The following WARS1 variants were observed in gnomAD, a reference collection of about 807,000 sequenced individuals.
WARS1 encodes tryptophan--tRNA ligase, cytoplasmic.
A neutral mutation model predicts 47.8 loss-of-function variants in WARS1; 17 were observed. The ratio of observed to expected loss-of-function variants is 0.36; its 90% CI spans 0.24 to 0.53. The LOEUF (loss-of-function observed/expected upper bound fraction) is 0.53. Ranked by LOEUF, WARS1 falls within the 20% of genes least tolerant of loss-of-function variation. WARS1 has a pLI of 0.91. For synonymous variants in WARS1, 208 were observed against 228.1 expected (o/e 0.91, Z 0.79); for missense variants, 434 against 608.0 (o/e 0.71, Z 3.01).
At chr14:100,366,465 C>T (rs1896002618) in intron 2 of WARS1, among the ~76,000 whole-genome samples, 1 of 152,096 alleles carries the variant, frequency 6.6e-6, no homozygotes. Context: ...CAAGAAACAC[C>T]AAACAGTTGA....
At chr14:100,354,421 G>A (rs997744298) in intron 5 of WARS1, 26 bp downstream of exon 5, 1 of 1,606,012 alleles carries the variant, frequency 6.2e-7, no homozygotes, top group Non-Finnish European at 8.5e-7. Context: ...AAGAGAGTAA[G>A]AAAAGCCATA....
Position 100,334,858 on chromosome 14 carries a change from C to A in WARS1, c.*17G>T, listed in dbSNP as rs1281083895. On this transcript the variant is annotated 3_prime_UTR_variant, in exon 11 of 11. Transcript: ENST00000392882. ...ACTGATACATCACTTCTTTTATAAG[C>A]ATATGTAAAACGAGTGCTACTGAAA... The A allele has an allele frequency of 6.2e-7, 1 of 1,612,060 alleles. No homozygotes were observed. Among genetic ancestry groups the A allele is most frequent in the Non-Finnish European group, 8.5e-7 (1 of 1,178,658 alleles).
intron 6 of WARS1, among the ~76,000 whole-genome samples, chr14:100,350,064 C>T (rs543484076): frequency 3.6e-4 from 55 of 152,278 alleles, no homozygotes; most frequent in African/African-American, 1.3e-3. Flanking sequence ...TTTTGGTTGA[C>T]ATACTGTCTG....
intron 1 of WARS1, among the ~76,000 whole-genome samples, chr14:100,371,891 C>A (rs1217241716): frequency 6.6e-6 from 1 of 152,174 alleles, no homozygotes; most frequent in East Asian, 1.9e-4. Context: ...CCAAGCTAAG[C>A]CACCATATCC....
In WARS1 at chr14:100,361,630, A is replaced by C. The variant is rs545905764; in HGVS notation, c.313+78T>G. On this transcript the variant is annotated intron_variant, in intron 3 of 10. Coordinates refer to ENST00000392882, the MANE Select transcript of WARS1 (RefSeq NM_004184.4). ...GAATTTATGATTAATTCAAAATTTA[A>C]AAACATCAATGGAATCAACTCAATG... 6.3e-6 allele frequency: 9 copies of C among 1,437,158 alleles called. No homozygotes were observed. In the East Asian group the frequency reaches 2.1e-4, roughly 33 times the overall value. The allele number at this position is 1,437,158 out of a possible 1,614,324, so 89.0% of individuals were successfully genotyped here.
At chr14:100,342,706 C>T (rs1595412796) in intron 8 of WARS1, 135 bp from the exon 9 acceptor site, 7 of 739,360 alleles carry the variant, frequency 9.5e-6, no homozygotes, top group Non-Finnish European at 1.3e-5. Context: ...TCCTCCCCTT[C>T]ATCTTTTCCT....
intron 6 of WARS1, 55 bp downstream of exon 6, chr14:100,353,632 C>T (rs1414830760): frequency 6.3e-7 from 1 of 1,582,818 alleles, no homozygotes. Context: ...GTGGTCATGA[C>T]AACTTGACAT....
Position 100,373,825 on chromosome 14 carries a change from TG to T in WARS1, c.-74+1457del, listed in dbSNP as rs1367082773. On this transcript the variant is annotated intron_variant, in intron 1 of 10. Transcript: ENST00000392882. The surrounding 1 kb of genome is among the most constrained non-coding windows in gnomAD (Gnocchi z 4.4). Reference sequence around the variant, plus strand: ...GGAATCATCCACACTATTGAAATCTTGTGTGTGTGTGTGTGTGTGTGTGTGT... The same window carrying T: ...GGAATCATCCACACTATTGAAATCTTTGTGTGTGTGTGTGTGTGTGTGTGT... 0.019 allele frequency among the ~76,000 whole-genome samples: 4 copies of T among 216 alleles called. No homozygotes were observed. Among genetic ancestry groups the T allele is most frequent in the South Asian group, 0.17 (1 of 6 alleles). 0.1% of individuals were successfully genotyped at this position (216 alleles called of 152,430 possible).
intron 6 of WARS1, among the ~76,000 whole-genome samples, chr14:100,353,358 C>A (rs1211841601): frequency 2.0e-5 from 3 of 152,124 alleles, no homozygotes; most frequent in Non-Finnish European, 4.4e-5. Flanking sequence ...TCAAGCGATT[C>A]TCCTGCTTCA....
At chr14:100,369,989 C>A (rs879348559) in intron 1 of WARS1, among the ~76,000 whole-genome samples, 2 of 152,090 alleles carry the variant, frequency 1.3e-5, no homozygotes, top group Non-Finnish European at 2.9e-5. Flanking sequence ...ATCTTAATTG[C>A]CTTGGGGATG....
At position 100,334,932 on chromosome 14, in the gene WARS1, C is replaced by G. The variant is rs759722365; in HGVS notation, c.1359G>C (p.Thr453=). The G allele has an allele frequency of 2.5e-6, 4 of 1,614,014 alleles. No homozygotes were observed. Among genetic ancestry groups the G allele is most frequent in the Non-Finnish European group, 1.7e-6 (2 of 1,180,034 alleles). Residue 453 remains threonine, a synonymous_variant, in exon 11 of 11, where the codon ACG becomes ACC. Coordinates refer to ENST00000392882, the MANE Select transcript of WARS1 (RefSeq NM_004184.4). ...TCATGAACTCTTTCACTATCTCATC[C>G]GTGACCTCCTTGCGCCGGGCCTGGT... The part of the protein sequence containing the change: ...AEHQARRKEV[T]DEIVKEFMTP...
intron 2 of WARS1, among the ~76,000 whole-genome samples, chr14:100,367,773 G>A (rs892562263): frequency 1.4e-4 from 22 of 152,126 alleles, no homozygotes; most frequent in African/African-American, 5.1e-4. Flanking sequence ...CAATAGAGCA[G>A]TGGCTTCAGC....
chr14:100,363,140 T>C (rs950150022), intron 2 of WARS1, among the ~76,000 whole-genome samples: 2 of 152,174 alleles, frequency 1.3e-5, no homozygotes, highest in African/African-American at 2.4e-5. Context: ...CAATTATCTA[T>C]GGGAAGGCTT....
At chr14:100,346,623 T>TA (rs1314054197) in intron 7 of WARS1, 123 bp downstream of exon 7, 1 of 794,720 alleles carries the variant, frequency 1.3e-6, no homozygotes, top group Non-Finnish European at 2.1e-6. Context: ...GCATCCTACT[T>TA]AAAGAGACAG....
chr14:100,339,384 G>T, intron 9 of WARS1, among the ~76,000 whole-genome samples: 1 of 152,010 alleles, frequency 6.6e-6, no homozygotes, highest in East Asian at 1.9e-4. Context: ...GAGGTCAGGA[G>T]ATCAAGACCA....
intron 9 of WARS1, among the ~76,000 whole-genome samples, chr14:100,341,351 A>G (rs761916345): frequency 6.6e-6 from 1 of 152,216 alleles, no homozygotes; most frequent in Admixed American, 6.5e-5. Flanking sequence ...AAAGTCTTCA[A>G]TTATACCAGC....
intron 2 of WARS1, among the ~76,000 whole-genome samples, chr14:100,367,849 G>C (rs1462067351): frequency 6.6e-6 from 1 of 152,016 alleles, no homozygotes; most frequent in Non-Finnish European, 1.5e-5. Flanking sequence ...TCATGTTTTA[G>C]GTAAAATAAA....
intron 4 of WARS1, among the ~76,000 whole-genome samples, chr14:100,355,008 G>C (rs1432135762): frequency 6.6e-6 from 1 of 152,154 alleles, no homozygotes; most frequent in Non-Finnish European, 1.5e-5. Flanking sequence ...GGGAAAGTAA[G>C]AATTGTCCTC....
rs1227397715 is a variant in WARS1, at chr14:100,371,779, G to A, written c.-73-2521C>T. Among the ~76,000 whole-genome samples the A allele has an allele frequency of 3.3e-5, 5 of 152,168 alleles. No individual in the cohort carries two copies. In the East Asian group the frequency reaches 9.7e-4, roughly 29 times the overall value. ...AAAGTATGTAAATCACGGGTGCTGT[G>A]AGCGGTGGCTCACAACTGCAGTCCA... On this transcript the variant is annotated intron_variant, in intron 1 of 10. Transcript: ENST00000392882.
Sources: gnomAD v4.1 joint callset for allele counts (sites outside exome capture counted in the v4.1 genomes callset) on GRCh38, gnomAD v4.1.1 for gene constraint, Gnocchi (gnomAD v3.1) non-coding constraint, MANE v1.5 for transcripts, NCBI Gene and HGNC (gene_info 2026-07-23, HGNC 2026-07-21) for gene names.